The following ASS1 variants were observed in gnomAD, a reference collection of about 807,000 sequenced individuals.
The protein encoded by ASS1 is argininosuccinate synthase.
ASS1 carries 58 observed loss-of-function variants against 60.5 expected under a neutral mutation model. The observed-to-expected ratio is 0.96, with a 90% CI of 0.78 to 1.19. The LOEUF (loss-of-function observed/expected upper bound fraction) is 1.19, where lower values mean the gene tolerates loss of function less well. Ranked by LOEUF, ASS1 falls within the 50% of genes most tolerant of loss-of-function variation. The pLI, the probability that ASS1 is intolerant of heterozygous loss-of-function variation, is 0.00. For missense variants in ASS1, 454 were observed against 547.3 expected (o/e 0.83, Z 1.70); for synonymous variants, 200 against 206.9 (o/e 0.97, Z 0.29).
chr9:130,493,796 A>G (rs1325173819), intron 12 of ASS1, among the ~76,000 whole-genome samples: 1 of 152,098 alleles, frequency 6.6e-6, no homozygotes, highest in Non-Finnish European at 1.5e-5. Flanking sequence ...AGCCTCCATC[A>G]GCAGAGGCTA....
intron 13 of ASS1, among the ~76,000 whole-genome samples, chr9:130,497,191 C>T (rs1846627205): frequency 6.6e-6 from 1 of 152,122 alleles, no homozygotes; most frequent in Non-Finnish European, 1.5e-5. Flanking sequence ...CAGTCTCACT[C>T]AGGGAGATTA....
At chr9:130,481,449 C>A (rs1254242174) in intron 11 of ASS1, among the ~76,000 whole-genome samples, 1 of 152,156 alleles carries the variant, frequency 6.6e-6, no homozygotes, top group Non-Finnish European at 1.5e-5. Context: ...TATCACCTGG[C>A]CACGGTATAG....
chr9:130,485,746 C>G (rs1258783820), intron 11 of ASS1, among the ~76,000 whole-genome samples: 2 of 152,162 alleles, frequency 1.3e-5, no homozygotes, highest in Non-Finnish European at 2.9e-5. Flanking sequence ...TAGCATGTGC[C>G]AGGATGGAGG....
rs1444457354 is a variant in ASS1 at position 130,477,863 on chromosome 9, C to T, written c.688+902C>T. Among the ~76,000 whole-genome samples the T allele has an allele frequency of 6.6e-6, 1 of 152,144 alleles. No homozygotes were observed. The highest frequency in any genetic ancestry group is 1.9e-4 in the East Asian group (1 of 5,180). ...AGCTGGGATGAGAGGGAGAGAGGCT[C>T]GTGGAGAGGCCTGGCCCGGCTCTGG... On this transcript the variant is annotated intron_variant, in intron 9 of 14. Transcript: ENST00000352480. The surrounding 1 kb of genome is among the most constrained non-coding windows in gnomAD (Gnocchi z 4.2).
chr9:130,465,704 TC>T (rs1241318275), intron 5 of ASS1, among the ~76,000 whole-genome samples: 2 of 152,234 alleles, frequency 1.3e-5, no homozygotes, highest in Non-Finnish European at 2.9e-5. Flanking sequence ...GGAATCTCTT[TC>T]CCCGTCCCTT....
chr9:130,450,839 T>G (rs145286438), intron 1 of ASS1, among the ~76,000 whole-genome samples: 1 of 152,362 alleles, frequency 6.6e-6, no homozygotes, highest in East Asian at 1.9e-4. Flanking sequence ...TCCCCAGTAG[T>G]GTCTAATAAA....
At position 130,470,726 on chromosome 9, in the gene ASS1, G is replaced by C. The variant is rs1845846750; in HGVS notation, c.496-108G>C. ...CTAGGAGGTAGCCAGGGTCTTGTCT[G>C]AATGGGGGCCAGAGTTTGGGGCTCT... On this transcript the variant is annotated intron_variant, in intron 6 of 14. Coordinates refer to ENST00000352480, the MANE Select transcript of ASS1 (RefSeq NM_054012.4). This position sits in a 1 kb window ranked among gnomAD's most constrained non-coding sequence, Gnocchi z 4.3. 6 of 1,120,280 alleles carry C rather than the reference G, an allele frequency of 5.4e-6. No homozygotes were observed. The South Asian group carries it at 7.4e-5, about 14-fold the overall frequency. The allele number at this position is 1,120,280 out of a possible 1,614,324, so 69.4% of individuals were successfully genotyped here. A position where few individuals can be genotyped will look rare whatever the true frequency, so the allele number is the denominator to read the frequency against.
intron 8 of ASS1, 113 bp downstream of exon 8, chr9:130,471,628 CGTGG>C: frequency 7.4e-7 from 1 of 1,359,382 alleles, no homozygotes; most frequent in African/African-American, 1.4e-5. Flanking sequence ...GGGGGCCAGC[CGTGG>C]GGCTGGGGCC....
At chr9:130,452,460 C>G (rs1845350405) in intron 2 of ASS1, 127 bp downstream of exon 2, 1 of 790,910 alleles carries the variant, frequency 1.3e-6, no homozygotes, top group African/African-American at 1.7e-5. Context: ...CTGGCCTCTT[C>G]TCTCGAAGCC....
Position 130,470,901 on chromosome 9 carries a change from T to C in ASS1, c.563T>C (p.Ile188Thr). The C allele has an allele frequency of 6.2e-7, 1 of 1,613,908 alleles. No homozygotes were observed. The highest frequency in any genetic ancestry group is 8.5e-7 in the Non-Finnish European group (1 of 1,179,918). Residue 188 changes from isoleucine to threonine, a missense_variant, in exon 7 of 15, where the codon ATC (isoleucine) becomes ACC (threonine). Ile to Thr is a moderately conservative substitution (Grantham distance 89, BLOSUM62 -1). Coordinates refer to ENST00000352480, the MANE Select transcript of ASS1 (RefSeq NM_054012.4). This position sits in a 1 kb window ranked among gnomAD's most constrained non-coding sequence, Gnocchi z 4.3. Reference protein sequence around the residue: ...PWSMDENLMHISYEAGILENP... With the variant: ...PWSMDENLMHTSYEAGILENP... Reference sequence around the variant, plus strand: ...AGCATGGATGAGAACCTCATGCACATCAGGTAAATCCCACCCTCCACCCAT... The same window carrying C: ...AGCATGGATGAGAACCTCATGCACACCAGGTAAATCCCACCCTCCACCCAT...
intron 8 of ASS1, among the ~76,000 whole-genome samples, chr9:130,474,050 T>TC (rs1845946654): frequency 3.3e-5 from 1 of 30,468 alleles, no homozygotes; most frequent in African/African-American, 1.4e-4. Flanking sequence ...TTCACTCTCT[T>TC]CCCTCCCCCG....
chr9:130,448,422 G>GCGCGCACACACACACACA (rs71387350), intron 1 of ASS1, among the ~76,000 whole-genome samples: 6 of 143,386 alleles, frequency 4.2e-5, no homozygotes, highest in African/African-American at 1.4e-4. Context: ...GTGTGCGCGC[G>GCGCGCACACACACACACA]CACACACACA....
chr9:130,496,755 C>T (rs891820480), intron 13 of ASS1, among the ~76,000 whole-genome samples: 2 of 152,180 alleles, frequency 1.3e-5, no homozygotes, highest in South Asian at 2.1e-4. Flanking sequence ...CTCCTGTGTC[C>T]GCCCCGTGGA....
In ASS1 at chr9:130,501,209, G is replaced by A; in HGVS notation, c.*188G>A. 2 of 648,858 alleles carry A rather than the reference G, an allele frequency of 3.1e-6. No individual in the cohort carries two copies. The highest frequency in any genetic ancestry group is 1.7e-5 in the South Asian group (1 of 58,164). The allele number at this position is 648,858 out of a possible 1,614,324, so 40.2% of individuals were successfully genotyped here. ...AAACGTTGTCATCGAAGGGAAGGGTGGGGGGCAGCTGCGGTGGGGAGCTAT... is the reference window on the plus strand; with the variant it reads ...AAACGTTGTCATCGAAGGGAAGGGTAGGGGGCAGCTGCGGTGGGGAGCTAT... On this transcript the variant is annotated 3_prime_UTR_variant, in exon 15 of 15. Transcript: ENST00000352480.
At chr9:130,469,152 G>A (rs1160462818) in intron 6 of ASS1, among the ~76,000 whole-genome samples, 1 of 152,162 alleles carries the variant, frequency 6.6e-6, no homozygotes, top group Non-Finnish European at 1.5e-5. Context: ...AGTGAGGAGC[G>A]AGGACGGAGC....
chr9:130,493,146 G>A (rs944593349), intron 12 of ASS1, among the ~76,000 whole-genome samples: 3 of 152,222 alleles, frequency 2.0e-5, no homozygotes, highest in African/African-American at 4.8e-5. Context: ...CGAGGGTCTC[G>A]GGGTGTGTTG....
At chr9:130,446,718 C>A (rs1766125070) in intron 1 of ASS1, among the ~76,000 whole-genome samples, 1 of 152,186 alleles carries the variant, frequency 6.6e-6, no homozygotes, top group Non-Finnish European at 1.5e-5. Flanking sequence ...CCCCTCCCAA[C>A]CCGGGCCCAT....
rs1846052849 is a variant in ASS1 at position 130,477,610 on chromosome 9, G to A, written c.688+649G>A. Among the ~76,000 whole-genome samples the A allele has an allele frequency of 6.6e-6, 1 of 152,240 alleles. No individual in the cohort carries two copies. Among genetic ancestry groups the A allele is most frequent in the South Asian group, 2.1e-4 (1 of 4,834 alleles). On this transcript the variant is annotated intron_variant, in intron 9 of 14. Transcript: ENST00000352480. The surrounding 1 kb of genome is among the most constrained non-coding windows in gnomAD (Gnocchi z 4.2). ...CCTGAGTGCCTGGGTGCCTGAGCTT[G>A]GGAGAGGGCATCTCTTGGCCTGGAG... is the stretch of plus-strand genomic sequence containing the variant.
chr9:130,449,190 G>C (rs1382844244), intron 1 of ASS1, among the ~76,000 whole-genome samples: 1 of 152,068 alleles, frequency 6.6e-6, no homozygotes, highest in Non-Finnish European at 1.5e-5. Flanking sequence ...AATTAGGCAG[G>C]TGTGGTGGCA....
Sources: gnomAD v4.1 joint callset for allele counts (sites outside exome capture counted in the v4.1 genomes callset) on GRCh38, gnomAD v4.1.1 for gene constraint, Gnocchi (gnomAD v3.1) non-coding constraint, MANE v1.5 for transcripts, NCBI Gene and HGNC (gene_info 2026-07-23, HGNC 2026-07-21) for gene names.